TRHDE: variants seen among roughly 807,000 people sequenced by gnomAD.
The protein encoded by TRHDE is thyrotropin releasing hormone degrading enzyme.
Under a neutral mutation model 125.7 loss-of-function variants are expected in TRHDE, and 72 were observed. The observed-to-expected ratio is 0.57, with a 90% CI of 0.47 to 0.70. The LOEUF (loss-of-function observed/expected upper bound fraction) is 0.70, where lower values mean the gene tolerates loss of function less well. Among genes scored for constraint, TRHDE ranks in the 30% least tolerant of loss-of-function variants. TRHDE has a pLI of 0.00. For missense variants in TRHDE, 1,110 were observed against 1,327.1 expected (o/e 0.84, Z 2.54); for synonymous variants, 509 against 509.1 (o/e 1.00, Z 0.00).
At chr12:72,425,285 A>T (rs1008795833) in intron 3 of TRHDE, among the ~76,000 whole-genome samples, 1 of 152,170 alleles carries the variant, frequency 6.6e-6, no homozygotes, top group African/African-American at 2.4e-5. Flanking sequence ...TTCCATTTCT[A>T]TAGCTAATGC....
chr12:72,527,451 A>C (rs534766705), intron 6 of TRHDE, among the ~76,000 whole-genome samples: 1 of 152,126 alleles, frequency 6.6e-6, no homozygotes, highest in South Asian at 2.1e-4. Context: ...CGTATACAAA[A>C]ATAAGGATAA....
At chr12:72,549,650 CATTTA>C (rs1490050965) in intron 7 of TRHDE, among the ~76,000 whole-genome samples, 1 of 151,536 alleles carries the variant, frequency 6.6e-6, no homozygotes, top group African/African-American at 2.4e-5. Context: ...ACTTAATTGG[CATTTA>C]ATTTATTAAT....
rs1868643364 is a variant in TRHDE, at chr12:72,313,445, G to A, written c.1188+26491G>A. Among the ~76,000 whole-genome samples the A allele has an allele frequency of 2.0e-5, 3 of 152,054 alleles. No homozygotes were observed. The South Asian group carries it at 6.2e-4, about 32-fold the overall frequency. ...TTTAAAAGCGTTCTGTTATGCAAAT[G>A]TGATATAACTGTGATAGTATAAGAT... On this transcript the variant is annotated intron_variant, in intron 2 of 18. Transcript: ENST00000261180.
chr12:72,416,769 G>C (rs1437232577), intron 3 of TRHDE, among the ~76,000 whole-genome samples: 1 of 152,090 alleles, frequency 6.6e-6, no homozygotes, highest in African/African-American at 2.4e-5. Flanking sequence ...GTGCTGTTTA[G>C]TTATCGTAGC....
intron 3 of TRHDE, among the ~76,000 whole-genome samples, chr12:72,467,944 A>T (rs1345887695): frequency 2.6e-5 from 4 of 152,266 alleles, no homozygotes; most frequent in Non-Finnish European, 4.4e-5. Flanking sequence ...ATTTTGAAAT[A>T]TTTAAAGCAT....
At chr12:72,253,286 A>G (rs969198870) in intron 2 of TRHDE, among the ~76,000 whole-genome samples, 45 of 152,126 alleles carry the variant, frequency 3.0e-4, no homozygotes, top group African/African-American at 1.1e-3. Flanking sequence ...TTTACTAAAT[A>G]GACAATCATG....
chr12:72,327,070 ATCT>A (rs970225321), intron 2 of TRHDE, among the ~76,000 whole-genome samples: 1 of 151,490 alleles, frequency 6.6e-6, no homozygotes, highest in African/African-American at 2.4e-5. Context: ...TCAGGTTTTG[ATCT>A]TTTTTTTTTG....
chr12:72,090,840 T>C (rs1592436273), intron 1 of TRHDE, among the ~76,000 whole-genome samples: 2 of 152,092 alleles, frequency 1.3e-5, no homozygotes, highest in African/African-American at 4.8e-5. Flanking sequence ...ATTTCAAAGA[T>C]TGGATTTATT....
chr12:72,375,902 G>T (rs140793064), intron 2 of TRHDE, among the ~76,000 whole-genome samples: 10 of 152,292 alleles, frequency 6.6e-5, no homozygotes, highest in African/African-American at 2.4e-4. Flanking sequence ...ACTGTCTCTT[G>T]TGGATGTTGT....
chr12:72,511,637 C>T (rs1044397525), intron 6 of TRHDE, among the ~76,000 whole-genome samples: 3 of 152,078 alleles, frequency 2.0e-5, no homozygotes, highest in Non-Finnish European at 2.9e-5. Flanking sequence ...TGATAAATGC[C>T]TTTACCACTT....
intron 15 of TRHDE, among the ~76,000 whole-genome samples, chr12:72,625,143 G>T (rs1332979138): frequency 1.3e-5 from 2 of 151,876 alleles, no homozygotes; most frequent in East Asian, 3.9e-4. Context: ...ATGTTGTACA[G>T]TTAACTGTAC....
intron 12 of TRHDE, among the ~76,000 whole-genome samples, chr12:72,614,755 T>C (rs1592573400): frequency 6.6e-6 from 1 of 152,110 alleles, no homozygotes; most frequent in African/African-American, 2.4e-5. Flanking sequence ...AAACTCACAG[T>C]TAAATAGGTT....
intron 2 of TRHDE, among the ~76,000 whole-genome samples, chr12:72,192,929 A>G (rs1877368692): frequency 6.6e-6 from 1 of 152,098 alleles, no homozygotes; most frequent in African/African-American, 2.4e-5. Flanking sequence ...TTTTGTGAAT[A>G]TTAGTTTATC....
At chr12:72,562,053 C>T in intron 7 of TRHDE, 112 bp from the exon 8 acceptor site, 4 of 524,370 alleles carry the variant, frequency 7.6e-6, no homozygotes, top group Middle Eastern at 5.2e-4. Context: ...TTTTTTATGT[C>T]CTTTTTTATT....
chr12:72,649,794 T>C (rs1461301220), intron 15 of TRHDE, among the ~76,000 whole-genome samples: 1 of 151,976 alleles, frequency 6.6e-6, no homozygotes, highest in African/African-American at 2.4e-5. Context: ...AAAAAGTCAC[T>C]AATCACCAGG....
intron 1 of TRHDE, among the ~76,000 whole-genome samples, chr12:72,101,153 G>T (rs988679219): frequency 6.6e-6 from 1 of 152,180 alleles, no homozygotes; most frequent in African/African-American, 2.4e-5. Context: ...TAAATTAGCT[G>T]CTGAAATGTA....
intron 2 of TRHDE, among the ~76,000 whole-genome samples, chr12:72,259,866 G>A (rs756666350): frequency 3.9e-5 from 6 of 152,164 alleles, no homozygotes; most frequent in Non-Finnish European, 7.3e-5. Context: ...AAGAAAGAGA[G>A]GCAAGCACTG....
chr12:72,422,066 C>T lies in TRHDE; in HGVS notation c.1315+43945C>T, dbSNP rs140790453. 4.4e-3 allele frequency among the ~76,000 whole-genome samples: 662 copies of T among 152,022 alleles called. 3 individuals are homozygous for T. The highest frequency in any genetic ancestry group is 7.3e-3 in the Non-Finnish European group (494 of 67,974). The stretch of plus-strand genomic sequence containing the variant: ...CATAGCTACAATGATTTATTATCTC[C>T]CATCCTGAAACAATGGTTTAAAATG... On this transcript the variant is annotated intron_variant, in intron 3 of 18. Transcript: ENST00000261180.
At chr12:72,124,780 A>G (rs1014301274) in intron 2 of TRHDE, among the ~76,000 whole-genome samples, 1 of 152,156 alleles carries the variant, frequency 6.6e-6, no homozygotes, top group Non-Finnish European at 1.5e-5. Context: ...ATGGTGGCAC[A>G]TGTCTGTAGT....
Sources: allele counts gnomAD v4.1 joint callset (sites outside exome capture counted in the v4.1 genomes callset), GRCh38; gene constraint gnomAD v4.1.1; transcripts MANE v1.5; gene names NCBI Gene and HGNC (gene_info 2026-07-23, HGNC 2026-07-21).